EFR3A: variants seen among roughly 807,000 people sequenced by gnomAD.
EFR3A encodes the protein protein EFR3 homolog A.
Under a neutral mutation model 104.4 loss-of-function variants are expected in EFR3A, and 76 were observed. The observed-to-expected ratio is 0.73, with a 90% confidence interval of 0.60 to 0.88. The LOEUF is 0.88. EFR3A is among the 40% of genes least tolerant of loss of function. EFR3A has a pLI of 0.00. For missense variants in EFR3A, 985 were observed against 1,012.5 expected (o/e 0.97, Z 0.37); for synonymous variants, 330 against 330.0 (o/e 1.00, Z 0.00).
intron 18 of EFR3A, among the ~76,000 whole-genome samples, chr8:131,988,079 G>T (rs1410360727): frequency 6.6e-6 from 1 of 151,864 alleles, no homozygotes; most frequent in African/African-American, 2.4e-5. Context: ...AATGAATTAG[G>T]CAACTTTCGT....
intron 17 of EFR3A, among the ~76,000 whole-genome samples, chr8:131,987,098 A>G (rs1261589356): frequency 2.0e-5 from 3 of 152,240 alleles, no homozygotes; most frequent in Non-Finnish European, 4.4e-5. Flanking sequence ...TGAAAGCATC[A>G]GCATAAGATA....
intron 1 of EFR3A, among the ~76,000 whole-genome samples, chr8:131,907,689 C>A (rs1326147710): frequency 6.6e-6 from 1 of 152,004 alleles, no homozygotes; most frequent in East Asian, 1.9e-4. Flanking sequence ...TTTAGAGACA[C>A]ATTACATGCA....
intron 3 of EFR3A, among the ~76,000 whole-genome samples, chr8:131,946,014 AT>A (rs1818420244): frequency 6.6e-6 from 1 of 152,054 alleles, no homozygotes; most frequent in African/African-American, 2.4e-5. Flanking sequence ...AAGATGTAAA[AT>A]CTGATGAATT....
chr8:131,969,093 A>G (rs897361115), intron 9 of EFR3A, among the ~76,000 whole-genome samples: 1 of 152,198 alleles, frequency 6.6e-6, no homozygotes, highest in African/African-American at 2.4e-5. Context: ...TTGCCCTTGC[A>G]TGGAAGCAGT....
chr8:131,994,364 G>C (rs1210046252), intron 18 of EFR3A, among the ~76,000 whole-genome samples: 1 of 152,170 alleles, frequency 6.6e-6, no homozygotes, highest in Admixed American at 6.5e-5. Flanking sequence ...TTATAGGTGT[G>C]TCTGGGTACT....
intron 10 of EFR3A, 31 bp downstream of exon 10, chr8:131,970,674 T>C: frequency 1.3e-6 from 2 of 1,588,718 alleles, no homozygotes; most frequent in Non-Finnish European, 1.7e-6. Context: ...AAAACTATCA[T>C]GTAAAACAGT....
chr8:131,994,329 G>A (rs1280999333), intron 18 of EFR3A, among the ~76,000 whole-genome samples: 1 of 152,066 alleles, frequency 6.6e-6, no homozygotes, highest in Non-Finnish European at 1.5e-5. Flanking sequence ...CTAGACCTGA[G>A]CTTCCCTACT....
At chr8:131,909,489 T>C (rs766738056) in intron 1 of EFR3A, among the ~76,000 whole-genome samples, 23 of 152,176 alleles carry the variant, frequency 1.5e-4, no homozygotes, top group Admixed American at 3.3e-4. Flanking sequence ...GAGGCTGCAG[T>C]GAGCTATGGT....
At chr8:131,958,510 A>G (rs1819139103) in intron 7 of EFR3A, among the ~76,000 whole-genome samples, 1 of 152,078 alleles carries the variant, frequency 6.6e-6, no homozygotes, top group Non-Finnish European at 1.5e-5. Flanking sequence ...TTCTTCTTCG[A>G]ATGTATAGAG....
chr8:131,940,772 T>A, intron 2 of EFR3A, 197 bp downstream of exon 2: 1 of 867,962 alleles, frequency 1.2e-6, no homozygotes, highest in Non-Finnish European at 1.6e-6. Flanking sequence ...ATCCTTTTAG[T>A]AGATTAGGCA....
chr8:131,970,373 T>A, intron 9 of EFR3A, 103 bp from the exon 10 acceptor site: 1 of 1,084,732 alleles, frequency 9.2e-7, no homozygotes, highest in Non-Finnish European at 1.3e-6. Flanking sequence ...GATTTCTGAC[T>A]ATTTAGAAAA....
chr8:131,987,510 C>CAT, intron 17 of EFR3A, 65 bp from the exon 18 acceptor site: 1 of 1,489,540 alleles, frequency 6.7e-7, no homozygotes, highest in Non-Finnish European at 9.0e-7. Context: ...GAATGTTTTG[C>CAT]ATAGTAACTT....
chr8:132,007,014 A>G (rs1014274489), intron 22 of EFR3A, among the ~76,000 whole-genome samples: 1 of 151,950 alleles, frequency 6.6e-6, no homozygotes, highest in Non-Finnish European at 1.5e-5. Flanking sequence ...TAATCTGATA[A>G]AGAGTAATTA....
At position 131,953,980 on chromosome 8, in the gene EFR3A, A is replaced by T. The variant is rs774081366; in HGVS notation, c.638+13A>T. ...AAGAAGTTGACAGGTATTTAAAAAAATATTAGTGTTGAGACAGTGTTACTT... is the reference window on the plus strand; with the variant it reads ...AAGAAGTTGACAGGTATTTAAAAAATTATTAGTGTTGAGACAGTGTTACTT... On this transcript the variant is annotated intron_variant, in intron 6 of 22. Transcript: ENST00000254624. 1.3e-6 allele frequency: 2 copies of T among 1,522,022 alleles called. No homozygotes were observed. The allele number at this position is 1,522,022 out of a possible 1,614,324, so 94.3% of individuals were successfully genotyped here. A position where few individuals can be genotyped will look rare whatever the true frequency, so the allele number is the denominator to read the frequency against.
chr8:131,941,979 T>C (rs1227318556), intron 2 of EFR3A, among the ~76,000 whole-genome samples: 1 of 152,072 alleles, frequency 6.6e-6, no homozygotes, highest in Non-Finnish European at 1.5e-5. Context: ...TTTCAGATGT[T>C]ATCAATTAGT....
At position 131,940,232 on chromosome 8, in the gene EFR3A, C is replaced by T. The variant is rs567842988; in HGVS notation, c.11-267C>T. The T allele has an allele frequency of 8.4e-4, 343 of 407,330 alleles. 1 individual carries two copies. The highest frequency in any genetic ancestry group is 6.4e-3 in the African/African-American group (315 of 49,200). 25.2% of individuals were successfully genotyped at this position (407,330 alleles called of 1,614,324 possible). A position where few individuals can be genotyped will look rare whatever the true frequency, so the allele number is the denominator to read the frequency against. On this transcript the variant is annotated intron_variant, in intron 1 of 22. Coordinates refer to ENST00000254624, the MANE Select transcript of EFR3A (RefSeq NM_015137.6). ...CATCAGAAAGGAGGTAAAGGGGGCA[C>T]GGATGATGTTTTCACTTTGTCAGAT...
At chr8:131,949,892 A>G in intron 4 of EFR3A, 77 bp from the exon 5 acceptor site, 1 of 1,231,838 alleles carries the variant, frequency 8.1e-7, no homozygotes, top group East Asian at 2.6e-5. Context: ...TGTTAATATG[A>G]CAGTGTATGA....
At chr8:131,970,761 G>C in intron 10 of EFR3A, 118 bp downstream of exon 10, 2 of 1,054,182 alleles carry the variant, frequency 1.9e-6, no homozygotes, top group Non-Finnish European at 2.7e-6. Context: ...TTAAATTTCT[G>C]AAAATTTAAT....
At chr8:131,935,547 A>G (rs756756991) in intron 1 of EFR3A, 6 of 437,734 alleles carry the variant, frequency 1.4e-5, no homozygotes, top group Admixed American at 2.5e-5. Context: ...GTCAATTTCT[A>G]TTATGTTACA....
Sources: gnomAD v4.1 joint callset for allele counts (sites outside exome capture counted in the v4.1 genomes callset) on GRCh38, gnomAD v4.1.1 for gene constraint, MANE v1.5 for transcripts, NCBI Gene and HGNC (gene_info 2026-07-23, HGNC 2026-07-21) for gene names.